ZC4H2: variants seen among roughly 807,000 people sequenced by gnomAD.
ZC4H2 encodes the protein zinc finger C4H2 domain-containing protein.
For synonymous variants in ZC4H2, 84 were observed against 66.3 expected, an observed-to-expected ratio of 1.27 and a Z score of -1.30; for missense variants, 137 against 173.9, an observed-to-expected ratio of 0.79 and a Z score of 1.19.
rs192089956 is a variant in ZC4H2 at position 64,946,429 on chromosome X, G to A, written c.54-24441C>T. ...TGCTCGCCCTCTGTGGGCTGCACCC[G>A]CTGTCTAACCAGTCCCAACGAGAGG... On this transcript the variant is annotated intron_variant, in intron 1 of 4. Transcript: ENST00000374839. Among the ~76,000 whole-genome samples the A allele has an allele frequency of 8.0e-4, 89 of 110,735 alleles. 1 individual carries two copies. Among genetic ancestry groups the A allele is most frequent in the Non-Finnish European group, 1.4e-3 (74 of 52,990 alleles).
At chrX:65,013,320 G>A (rs2147287199) in intron 1 of ZC4H2, among the ~76,000 whole-genome samples, 1 of 111,278 alleles carries the variant, frequency 9.0e-6, no homozygotes, top group Admixed American at 9.6e-5. Flanking sequence ...TTCTAAAGTG[G>A]CTCCAGTGAT....
intron 1 of ZC4H2, among the ~76,000 whole-genome samples, chrX:65,031,225 A>G (rs1214361796): frequency 8.9e-6 from 1 of 112,135 alleles, no homozygotes; most frequent in East Asian, 2.8e-4. Context: ...CTCCATTACA[A>G]CTTTACACTT....
At chrX:65,010,848 T>C (rs762378772) in intron 1 of ZC4H2, among the ~76,000 whole-genome samples, 2 of 112,352 alleles carry the variant, frequency 1.8e-5, no homozygotes, top group South Asian at 3.6e-4. Flanking sequence ...CATGGAGAGA[T>C]TATTTAATAT....
chrX:65,018,846 G>A (rs1053630495), intron 1 of ZC4H2, among the ~76,000 whole-genome samples: 2 of 111,479 alleles, frequency 1.8e-5, no homozygotes, highest in African/African-American at 6.5e-5. Context: ...AAGCTTGGTG[G>A]GGGGAGGGGC....
intron 1 of ZC4H2, among the ~76,000 whole-genome samples, chrX:64,955,694 T>A (rs1460115475): frequency 8.9e-6 from 1 of 112,009 alleles, no homozygotes. Flanking sequence ...TGTCTAACTA[T>A]TTTTTTCCTT....
At chrX:64,944,181 C>T (rs1930424771) in intron 1 of ZC4H2, among the ~76,000 whole-genome samples, 2 of 95,140 alleles carry the variant, frequency 2.1e-5, no homozygotes, top group African/African-American at 8.3e-5. Flanking sequence ...CGCTCTGTTG[C>T]CCAGGCTGGA....
chrX:65,012,997 C>T (rs778674253), intron 1 of ZC4H2, among the ~76,000 whole-genome samples: 1 of 111,571 alleles, frequency 9.0e-6, no homozygotes, highest in Non-Finnish European at 1.9e-5. Context: ...GTCTTATGGC[C>T]ACACCAAGCT....
chrX:64,979,569 A>G (rs1932043943), upstream of ZC4H2, among the ~76,000 whole-genome samples: 1 of 111,782 alleles, frequency 8.9e-6, no homozygotes. Context: ...CAGTGAGAGG[A>G]AGGAAAATGT....
intron 1 of ZC4H2, among the ~76,000 whole-genome samples, chrX:64,983,932 T>C (rs1180605304): frequency 1.8e-5 from 2 of 111,712 alleles, no homozygotes; most frequent in East Asian, 2.8e-4. Context: ...GTAACCTCCT[T>C]GTTTTCTTTG....
chrX:65,027,066 G>A (rs1459595945), intron 1 of ZC4H2, among the ~76,000 whole-genome samples: 2 of 111,922 alleles, frequency 1.8e-5, no homozygotes, highest in Non-Finnish European at 3.8e-5. Context: ...GTGGCCAACG[G>A]GTCACATAAC....
intron 1 of ZC4H2, among the ~76,000 whole-genome samples, chrX:64,992,706 G>A (rs1198386418): frequency 9.0e-6 from 1 of 111,353 alleles, no homozygotes; most frequent in African/African-American, 3.3e-5. Flanking sequence ...GGTTTACTGT[G>A]GTTGATACCG....
At chrX:65,015,356 C>G (rs1413719313) in intron 1 of ZC4H2, among the ~76,000 whole-genome samples, 1 of 111,920 alleles carries the variant, frequency 8.9e-6, no homozygotes. Context: ...TTAAAATAGG[C>G]ATATTGAGAA....
At chrX:65,006,578 A>C in intron 1 of ZC4H2, among the ~76,000 whole-genome samples, 1 of 98,656 alleles carries the variant, frequency 1.0e-5, no homozygotes, top group Non-Finnish European at 2.0e-5. Flanking sequence ...GGGAGGGGGG[A>C]GGGATAGCAT....
At chrX:64,994,050 GT>G (rs1014072156) in intron 1 of ZC4H2, among the ~76,000 whole-genome samples, 2 of 111,946 alleles carry the variant, frequency 1.8e-5, no homozygotes, top group African/African-American at 6.5e-5. Context: ...TAAAATGTTT[GT>G]GTCTCCACTT....
intron 1 of ZC4H2, among the ~76,000 whole-genome samples, chrX:65,000,167 G>A (rs568103785): frequency 8.1e-5 from 9 of 111,793 alleles, no homozygotes; most frequent in African/African-American, 2.6e-4. Flanking sequence ...CCCAGCAGGC[G>A]CCAACAGACA....
At chrX:64,944,481 C>A (rs1029042187) in intron 1 of ZC4H2, among the ~76,000 whole-genome samples, 1 of 111,267 alleles carries the variant, frequency 9.0e-6, no homozygotes, top group Non-Finnish European at 1.9e-5. Flanking sequence ...TTGTTGGTAA[C>A]CTGACCTTTT....
intron 1 of ZC4H2, among the ~76,000 whole-genome samples, chrX:64,995,458 A>AT (rs761442406): frequency 8.9e-6 from 1 of 112,117 alleles, no homozygotes; most frequent in East Asian, 2.8e-4. Flanking sequence ...CTCCTGGGCT[A>AT]AAGTGATCCT....
At chrX:65,010,166 T>C (rs1932735145) in intron 1 of ZC4H2, among the ~76,000 whole-genome samples, 1 of 112,585 alleles carries the variant, frequency 8.9e-6, no homozygotes, top group Admixed American at 9.4e-5. Context: ...GTTTCTCTTT[T>C]GGTCTTTTTA....
intron 2 of ZC4H2, 62 bp from the exon 3 acceptor site, chrX:64,920,315 A>G: frequency 9.1e-7 from 1 of 1,103,247 alleles, no homozygotes. Flanking sequence ...GAGGATCTAT[A>G]GCTGAGTGAA....
Sources: gnomAD v4.1 joint callset for allele counts (sites outside exome capture counted in the v4.1 genomes callset) on GRCh38, gnomAD v4.1.1 for gene constraint, MANE v1.5 for transcripts, NCBI Gene and HGNC (gene_info 2026-07-23, HGNC 2026-07-21) for gene names.